MARS1: variants seen among roughly 807,000 people sequenced by gnomAD.
The protein encoded by MARS1 is methionyl-tRNA synthetase 1.
In MARS1, 80 loss-of-function variants were observed where a neutral mutation model predicts 119.5. The ratio of observed to expected loss-of-function variants is 0.67; its 90% CI spans 0.56 to 0.81. The LOEUF (loss-of-function observed/expected upper bound fraction) is 0.81. Among genes scored for constraint, MARS1 ranks in the 30% least tolerant of loss-of-function variants. MARS1 has a pLI of 0.00. For synonymous variants in MARS1, 418 were observed against 433.4 expected (o/e 0.96, Z 0.44); for missense variants, 945 against 1,116.5 (o/e 0.85, Z 2.19).
intron 11 of MARS1, among the ~76,000 whole-genome samples, chr12:57,507,605 G>C (rs1462993200): frequency 7.0e-6 from 1 of 142,286 alleles, no homozygotes; most frequent in Non-Finnish European, 1.6e-5. Flanking sequence ...CTGGCCGGGC[G>C]GGGGTCTGGC....
At chr12:57,513,106 A>T (rs1877604982) in intron 15 of MARS1, 142 bp downstream of exon 15, 2 of 692,442 alleles carry the variant, frequency 2.9e-6, no homozygotes, top group African/African-American at 1.8e-5. Context: ...ATTAATTGGG[A>T]TCTGTTCCTA....
intron 9 of MARS1, among the ~76,000 whole-genome samples, chr12:57,499,439 C>CA (rs71280718): frequency 0.2 from 24,760 of 123,014 alleles, 2,865 homozygotes; most frequent in African/African-American, 0.36. Flanking sequence ...ACTAAAAATA[C>CA]AAAAAAAAAA....
intron 7 of MARS1, among the ~76,000 whole-genome samples, chr12:57,495,845 C>T (rs934670815): frequency 5.3e-5 from 8 of 152,316 alleles, no homozygotes; most frequent in East Asian, 1.9e-4. Context: ...CCAAAAAATA[C>T]AAAAACCAGT....
chr12:57,506,940 G>T (rs997970182), intron 11 of MARS1, among the ~76,000 whole-genome samples: 1 of 150,666 alleles, frequency 6.6e-6, no homozygotes, highest in African/African-American at 2.5e-5. Context: ...TGGAGGGAAG[G>T]TCAGCAGATA....
At chr12:57,502,980 T>C (rs1877001270) in intron 10 of MARS1, among the ~76,000 whole-genome samples, 2 of 152,046 alleles carry the variant, frequency 1.3e-5, no homozygotes, top group South Asian at 4.1e-4. Context: ...GAGCCAAGAC[T>C]GCACCACTGC....
rs765845978 is a variant in MARS1 at position 57,504,213 on chromosome 12, T to G, written c.1294-12T>G. ...GCAGGCCTGATCTGTCCTCTGGAATTTTCCTTCGCAGAAGCCTCAGTGTAA... is the reference window on the plus strand; with the variant it reads ...GCAGGCCTGATCTGTCCTCTGGAATGTTCCTTCGCAGAAGCCTCAGTGTAA... On this transcript the variant is annotated splice_polypyrimidine_tract_variant and intron_variant, in intron 10 of 20. Transcript: ENST00000262027. The G allele has an allele frequency of 6.8e-6, 11 of 1,611,628 alleles. No individual in the cohort carries two copies. In the African/African-American group the frequency reaches 1.5e-4, roughly 22 times the overall value.
chr12:57,488,742 T>A, intron 1 of MARS1: 2 of 1,306,076 alleles, frequency 1.5e-6, no homozygotes, highest in Middle Eastern at 1.8e-4. Context: ...TTACTTTCAG[T>A]CGTTAAGTTC....
chr12:57,489,703 A>AT (rs1266594538), intron 4 of MARS1, 145 bp downstream of exon 4: 12 of 1,254,436 alleles, frequency 9.6e-6, no homozygotes, highest in South Asian at 4.2e-5. Context: ...CTAATCCTCA[A>AT]TTTTTTTCAG....
intron 7 of MARS1, among the ~76,000 whole-genome samples, chr12:57,490,882 T>G (rs566887461): frequency 6.8e-6 from 1 of 148,018 alleles, no homozygotes; most frequent in African/African-American, 2.5e-5. Context: ...ATCCTTTTTT[T>G]TTTTTTTTTT....
At chr12:57,516,408 T>C in intron 20 of MARS1, 27 bp from the exon 21 acceptor site, 1 of 1,612,104 alleles carries the variant, frequency 6.2e-7, no homozygotes, top group Non-Finnish European at 8.5e-7. Flanking sequence ...TGCCTCACTG[T>C]TACCTCCCCA....
chr12:57,511,673 C>T (rs1246306240), intron 11 of MARS1, 25 bp from the exon 12 acceptor site: 1 of 1,613,172 alleles, frequency 6.2e-7, no homozygotes, highest in Non-Finnish European at 8.5e-7. Flanking sequence ...TTTCCTAAAT[C>T]AGCCCTCTTT....
At chr12:57,507,877 G>C (rs1469011380) in intron 11 of MARS1, among the ~76,000 whole-genome samples, 1 of 151,110 alleles carries the variant, frequency 6.6e-6, no homozygotes, top group Non-Finnish European at 1.5e-5. Context: ...GGTAGCTGCC[G>C]GGCGGAGGGG....
intron 1 of MARS1, chr12:57,488,628 C>G (rs1875659945): frequency 6.4e-7 from 1 of 1,551,056 alleles, no homozygotes; most frequent in East Asian, 2.4e-5. Flanking sequence ...TCATTCTCAG[C>G]CGATTGTTTG....
chr12:57,514,834 G>T lies in MARS1; in HGVS notation c.2082G>T (p.Gln694His). Reference protein sequence around the residue: ...HVTLELQHYHQLLEKVRIRDA... With the variant: ...HVTLELQHYHHLLEKVRIRDA... ...CCCTGGAGCTCCAGCACTATCACCA[G>T]CTACTTGAGAAGGTTCGGTAAGTAA... The change falls in exon 16 of 21, where the codon CAG becomes CAT. Residue 694 changes from glutamine to histidine, a missense_variant. Gln to His is a conservative substitution (Grantham distance 24). Transcript: ENST00000262027. The T allele has an allele frequency of 6.2e-7, 1 of 1,614,036 alleles. No individual in the cohort carries two copies. The highest frequency in any genetic ancestry group is 2.2e-5 in the East Asian group (1 of 44,882).
chr12:57,505,075 T>C (rs1029880724), intron 11 of MARS1, among the ~76,000 whole-genome samples: 2 of 152,070 alleles, frequency 1.3e-5, no homozygotes, highest in African/African-American at 4.8e-5. Flanking sequence ...TGTCAAACTC[T>C]TGGGCTCAAG....
At chr12:57,498,018 G>T in intron 7 of MARS1, 139 bp from the exon 8 acceptor site, 2 of 678,722 alleles carry the variant, frequency 2.9e-6, no homozygotes, top group Admixed American at 4.4e-5. Flanking sequence ...GGTCCTGTGG[G>T]TTTGTGTGCA....
intron 14 of MARS1, 185 bp downstream of exon 14, chr12:57,512,538 T>C (rs1473091635): frequency 3.1e-6 from 2 of 643,748 alleles, no homozygotes; most frequent in South Asian, 2.0e-5. Context: ...AGTCTAAAGC[T>C]AAAACTCTTT....
At chr12:57,491,716 C>A (rs903621139) in intron 7 of MARS1, among the ~76,000 whole-genome samples, 1 of 152,122 alleles carries the variant, frequency 6.6e-6, no homozygotes, top group Non-Finnish European at 1.5e-5. Flanking sequence ...ACTGCAGGCT[C>A]AGTAACATAT....
intron 2 of MARS1, 77 bp from the exon 3 acceptor site, chr12:57,489,190 A>G (rs938859402): frequency 4.7e-5 from 75 of 1,599,166 alleles, no homozygotes; most frequent in Non-Finnish European, 6.3e-5. Flanking sequence ...ATTTGCAGCC[A>G]TTGTTTCCCT....
Sources: allele counts gnomAD v4.1 joint callset (sites outside exome capture counted in the v4.1 genomes callset), GRCh38; gene constraint gnomAD v4.1.1; transcripts MANE v1.5; gene names NCBI Gene and HGNC (gene_info 2026-07-23, HGNC 2026-07-21).